Variants in TVP23A observed in about 807,000 individuals in gnomAD.
TVP23A encodes Golgi apparatus membrane protein TVP23 homolog A.
Under a neutral mutation model 31.7 loss-of-function variants are expected in TVP23A, and 21 were observed. The observed-to-expected ratio is 0.66, with a 90% CI of 0.47 to 0.95. The LOEUF (loss-of-function observed/expected upper bound fraction) is 0.95, where lower values mean the gene tolerates loss of function less well. TVP23A is among the 40% of genes least tolerant of loss of function. The probability of loss-of-function intolerance (pLI) is 0.00; values close to 1 mark genes in which losing one functional copy is unlikely to be tolerated. For synonymous variants in TVP23A, 104 were observed against 96.0 expected (o/e 1.08, Z -0.49); for missense variants, 279 against 255.6 (o/e 1.09, Z -0.62).
chr16:10,803,152 C>T (rs1416568770), intron 2 of TVP23A, among the ~76,000 whole-genome samples: 1 of 151,710 alleles, frequency 6.6e-6, no homozygotes, highest in Non-Finnish European at 1.5e-5. Flanking sequence ...GGCGTGGTGG[C>T]GGGTGCCTGT....
chr16:10,783,449 G>A (rs1596519676), intron 2 of TVP23A, among the ~76,000 whole-genome samples: 2 of 152,316 alleles, frequency 1.3e-5, no homozygotes, highest in Admixed American at 1.3e-4. Context: ...GCTGAGGTGG[G>A]CAGATCACTT....
chr16:10,810,810 T>A (rs889915772), intron 2 of TVP23A, among the ~76,000 whole-genome samples: 1 of 152,150 alleles, frequency 6.6e-6, no homozygotes, highest in African/African-American at 2.4e-5. Context: ...AATGAGACAC[T>A]GTAGGCTCCC....
Position 10,809,061 on chromosome 16 carries a change from AG to A in TVP23A, c.89+9041del, listed in dbSNP as rs1160705108. Among the ~76,000 whole-genome samples, 68 of 152,230 alleles carry A rather than the reference AG, an allele frequency of 4.5e-4. 1 individual carries two copies. Among genetic ancestry groups the A allele is most frequent in the Non-Finnish European group, 3.2e-4 (22 of 68,042 alleles). ...CTGAGAACATGCCTCTGCACAGCCC[AG>A]GATGCGGAAGTCACACTCGTGATCA... On this transcript the variant is annotated intron_variant, in intron 2 of 7. Coordinates refer to ENST00000299866, the MANE Select transcript of TVP23A (RefSeq NM_001079512.4).
At chr16:10,794,858 C>T (rs527898096) in intron 2 of TVP23A, among the ~76,000 whole-genome samples, 30 of 152,186 alleles carry the variant, frequency 2.0e-4, no homozygotes, top group African/African-American at 6.7e-4. Flanking sequence ...TCCTAGGTCC[C>T]CACTCACTCT....
In TVP23A at chr16:10,773,442, C is replaced by A. The variant is rs1337631170; in HGVS notation, c.325-1G>T. 8.2e-6 allele frequency: 13 copies of A among 1,580,892 alleles called. No homozygotes were observed. The highest frequency in any genetic ancestry group is 1.0e-5 in the Non-Finnish European group (12 of 1,170,096). Reference sequence around the variant, plus strand: ...TGGCAGCAATGCTATTCGGAGAGACCTGTTAAAGGAAAGTAATTCAAATGT... The same window carrying A: ...TGGCAGCAATGCTATTCGGAGAGACATGTTAAAGGAAAGTAATTCAAATGT... On this transcript the variant is annotated splice_acceptor_variant, in intron 4 of 7. Coordinates refer to ENST00000299866, the MANE Select transcript of TVP23A (RefSeq NM_001079512.4). LOFTEE classifies it high-confidence loss of function.
intron 2 of TVP23A, among the ~76,000 whole-genome samples, chr16:10,812,277 G>A (rs12599430): frequency 0.023 from 3,470 of 152,262 alleles, 127 homozygotes; most frequent in East Asian, 0.16. Context: ...GCAAGGATGC[G>A]GAGAAACTGG....
chr16:10,761,462 T>A (rs200931059), exon 9 of TVP23A: 298 of 1,613,754 alleles, frequency 1.8e-4, no homozygotes, highest in Non-Finnish European at 2.4e-4. Context: ...GCTTCATCTG[T>A]CCTAAGTGCA....
At chr16:10,769,177 G>T in intron 7 of TVP23A, 76 bp from the exon 8 acceptor site, 1 of 1,426,118 alleles carries the variant, frequency 7.0e-7, no homozygotes, top group South Asian at 1.2e-5. Flanking sequence ...AGCCAGACCC[G>T]ACCAGCTCCG....
At chr16:10,783,217 A>G (rs1219671146) in intron 2 of TVP23A, among the ~76,000 whole-genome samples, 1 of 152,198 alleles carries the variant, frequency 6.6e-6, no homozygotes, top group African/African-American at 2.4e-5. Flanking sequence ...GACCAAAGCC[A>G]ACCTTTGCAA....
chr16:10,757,789 C>T (rs1339949042), downstream of TVP23A: 1 of 1,537,874 alleles, frequency 6.5e-7, no homozygotes, highest in East Asian at 2.3e-5. The surrounding 1 kb of genome is among the most constrained non-coding windows in gnomAD (Gnocchi z 4.1). Context: ...ATAGCAAGAC[C>T]CCATCCTTTA....
At position 10,767,366 on chromosome 16, in the gene TVP23A, G is replaced by A. The variant is rs1019102904; in HGVS notation, c.*1736C>T. ...GCGGGGAAAGACTAGCAGACTGATA[G>A]ACACCAGCACAGATGACCTGGAAGA... On this transcript the variant is annotated 3_prime_UTR_variant, in exon 8 of 8. Transcript: ENST00000299866. This position sits in a 1 kb window ranked among gnomAD's most constrained non-coding sequence, Gnocchi z 4.6. 2.5e-6 allele frequency: 1 copy of A among 399,968 alleles called. No homozygotes were observed. The highest frequency in any genetic ancestry group is 4.4e-6 in the Non-Finnish European group (1 of 227,090). 24.8% of individuals were successfully genotyped at this position (399,968 alleles called of 1,614,324 possible).
At chr16:10,780,468 A>T (rs2142935792) in intron 2 of TVP23A, among the ~76,000 whole-genome samples, 1 of 152,330 alleles carries the variant, frequency 6.6e-6, no homozygotes, top group East Asian at 1.9e-4. Context: ...GTATAAGGGC[A>T]CTGGCTCTCT....
intron 2 of TVP23A, among the ~76,000 whole-genome samples, chr16:10,792,311 G>A (rs2033150371): frequency 6.6e-6 from 1 of 152,172 alleles, no homozygotes; most frequent in African/African-American, 2.4e-5. Context: ...ACTAGCAGTG[G>A]CATGCCACCA....
intron 2 of TVP23A, among the ~76,000 whole-genome samples, chr16:10,792,139 G>A (rs763386746): frequency 2.0e-5 from 3 of 152,076 alleles, no homozygotes; most frequent in Non-Finnish European, 4.4e-5. Flanking sequence ...TTTTCCCTTC[G>A]GAAGCCCTTC....
chr16:10,802,270 GTGTGTGTGTGTGTGTA>G (rs761962639), intron 2 of TVP23A, among the ~76,000 whole-genome samples: 1,842 of 139,906 alleles, frequency 0.013, 36 homozygotes, highest in African/African-American at 0.051. Context: ...GTGTGTGTGT[GTGTGTGTGTGTGTGTA>G]TATGTGTGTG....
intron 2 of TVP23A, among the ~76,000 whole-genome samples, chr16:10,780,628 G>T (rs1487572849): frequency 1.3e-5 from 2 of 152,066 alleles, no homozygotes; most frequent in African/African-American, 4.8e-5. Flanking sequence ...GTAGCTCTGT[G>T]GTCTTCCCTA....
chr16:10,758,558 A>G (rs1900731055), downstream of TVP23A, among the ~76,000 whole-genome samples: 1 of 152,142 alleles, frequency 6.6e-6, no homozygotes, highest in African/African-American at 2.4e-5. Context: ...TTTTTAGTCC[A>G]TGGATTAAAC....
Position 10,777,273 on chromosome 16 carries a change from A to G in TVP23A, c.90-2177T>C, listed in dbSNP as rs2032097259. 2.0e-5 allele frequency among the ~76,000 whole-genome samples: 3 copies of G among 152,198 alleles called. No homozygotes were observed. The South Asian group carries it at 6.2e-4, about 32-fold the overall frequency. ...CCAAGATTTTCATGAGAAGTCAGAA[A>G]TCCAGACTTGCAATGGGAAATCTGA... On this transcript the variant is annotated intron_variant, in intron 2 of 7. Transcript: ENST00000299866. The surrounding 1 kb of genome is among the most constrained non-coding windows in gnomAD (Gnocchi z 4.5).
rs756402894 is a variant in TVP23A, at chr16:10,818,037, T to A, written c.89+66A>T. 1 of 1,340,656 alleles carries A rather than the reference T, an allele frequency of 7.5e-7. No homozygotes were observed. Among genetic ancestry groups the A allele is most frequent in the Non-Finnish European group, 1.1e-6 (1 of 952,014 alleles). The allele number at this position is 1,340,656 out of a possible 1,614,324, so 83.0% of individuals were successfully genotyped here. On this transcript the variant is annotated intron_variant, in intron 2 of 7. Coordinates refer to ENST00000299866, the MANE Select transcript of TVP23A (RefSeq NM_001079512.4). The surrounding 1 kb of genome is among the most constrained non-coding windows in gnomAD (Gnocchi z 4.7). ...AGGTGCTCAATATATTTTGAATGAA[T>A]GAGTGAGTAAATGAATGAATTTGCA...
Sources: gnomAD v4.1 joint callset for allele counts (sites outside exome capture counted in the v4.1 genomes callset) on GRCh38, gnomAD v4.1.1 for gene constraint, Gnocchi (gnomAD v3.1) non-coding constraint, MANE v1.5 for transcripts, NCBI Gene and HGNC (gene_info 2026-07-23, HGNC 2026-07-21) for gene names.